CA10: variants seen among roughly 807,000 people sequenced by gnomAD.
CA10 encodes the protein carbonic anhydrase 10 (inactive), also known as carbonic anhydrase-related protein 10.
Under a neutral mutation model 44.2 loss-of-function variants are expected in CA10, and 14 were observed. That is an observed-to-expected ratio of 0.32 (90% CI 0.21 to 0.50). The LOEUF is 0.50. Among genes scored for constraint, CA10 ranks in the 20% least tolerant of loss-of-function variants. CA10 has a pLI of 0.99. For synonymous variants in CA10, 159 were observed against 141.6 expected, an observed-to-expected ratio of 1.12 and a Z score of -0.87; for missense variants, 350 against 409.7, an observed-to-expected ratio of 0.85 and a Z score of 1.26.
intron 3 of CA10, among the ~76,000 whole-genome samples, chr17:51,841,505 G>T (rs1231006039): frequency 3.3e-5 from 5 of 152,192 alleles, no homozygotes; most frequent in African/African-American, 4.8e-5. Flanking sequence ...GTAAGTGTGG[G>T]AAGACAAACC....
chr17:51,813,728 A>T (rs1907461009), intron 3 of CA10, among the ~76,000 whole-genome samples: 1 of 152,012 alleles, frequency 6.6e-6, no homozygotes, highest in African/African-American at 2.4e-5. Context: ...GAATGGCTCC[A>T]CTCCCACACT....
chr17:51,710,616 A>C (rs1033671131), intron 4 of CA10, among the ~76,000 whole-genome samples: 2 of 152,134 alleles, frequency 1.3e-5, no homozygotes, highest in African/African-American at 2.4e-5. Context: ...TTTCTGAGAA[A>C]AGAAGAGTGA....
intron 3 of CA10, among the ~76,000 whole-genome samples, chr17:51,811,503 T>A (rs1907366099): frequency 2.6e-5 from 4 of 152,218 alleles, no homozygotes; most frequent in Non-Finnish European, 5.9e-5. Flanking sequence ...ATCTCATTGT[T>A]CAGTTTCCAC....
chr17:52,000,040 C>T (rs1261202016), intron 2 of CA10, among the ~76,000 whole-genome samples: 1 of 152,016 alleles, frequency 6.6e-6, no homozygotes, highest in African/African-American at 2.4e-5. Flanking sequence ...TGAAGCATGA[C>T]ACAGAATTGT....
At chr17:51,954,428 T>C (rs1983592580) in intron 2 of CA10, among the ~76,000 whole-genome samples, 1 of 152,164 alleles carries the variant, frequency 6.6e-6, no homozygotes, top group Admixed American at 6.6e-5. Context: ...TCATAAAATA[T>C]GAACAAATGA....
At chr17:51,794,490 C>T (rs778602879) in intron 3 of CA10, among the ~76,000 whole-genome samples, 1 of 152,258 alleles carries the variant, frequency 6.6e-6, no homozygotes, top group Non-Finnish European at 1.5e-5. Flanking sequence ...CTGTATTGGG[C>T]TGTAAGACTC....
At chr17:51,635,467 C>T (rs1912783164) in intron 7 of CA10, among the ~76,000 whole-genome samples, 2 of 151,848 alleles carry the variant, frequency 1.3e-5, no homozygotes, top group Non-Finnish European at 2.9e-5. Context: ...GAGCCAAGAT[C>T]ACGCCACTGC....
In CA10 at chr17:51,824,648, C is replaced by G. The variant is rs565070132; in HGVS notation, c.280-76830G>C. Among the ~76,000 whole-genome samples the G allele has an allele frequency of 3.9e-4, 59 of 152,274 alleles. 1 individual carries two copies. In the South Asian group the frequency reaches 0.012, roughly 31 times the overall value. ...GCACTGATCTCATCCTTGTTTAAAACGATAACACCCTGACCCCAGCCCTGC... is the reference window on the plus strand; with the variant it reads ...GCACTGATCTCATCCTTGTTTAAAAGGATAACACCCTGACCCCAGCCCTGC... On this transcript the variant is annotated intron_variant, in intron 3 of 8. Transcript: ENST00000451037.
chr17:51,870,417 G>A lies in CA10; in HGVS notation c.279+60573C>T, dbSNP rs868852050. On this transcript the variant is annotated intron_variant, in intron 3 of 8. Transcript: ENST00000451037. ...AAGCTAATGTGAACCTCCTATGGCT[G>A]TGCTGTCATCAAAACACTGGGTCAA... 8.5e-5 allele frequency among the ~76,000 whole-genome samples: 13 copies of A among 152,352 alleles called. No individual in the cohort carries two copies. In the South Asian group the frequency reaches 1.0e-3, roughly 12 times the overall value.
intron 2 of CA10, among the ~76,000 whole-genome samples, chr17:52,021,325 C>T (rs937452942): frequency 2.0e-5 from 3 of 152,020 alleles, no homozygotes; most frequent in Admixed American, 1.3e-4. Context: ...GAGATATACC[C>T]AGCAATGGGA....
At chr17:51,812,727 G>A (rs1319333058) in intron 3 of CA10, among the ~76,000 whole-genome samples, 1 of 152,182 alleles carries the variant, frequency 6.6e-6, no homozygotes, top group Non-Finnish European at 1.5e-5. Context: ...TCCTATCTTT[G>A]GGCACTGAGA....
chr17:52,081,950 G>T (rs1269906281), intron 1 of CA10, among the ~76,000 whole-genome samples: 1 of 152,112 alleles, frequency 6.6e-6, no homozygotes, highest in Non-Finnish European at 1.5e-5. Context: ...GATGACCAGG[G>T]AGACTAAGGG....
chr17:51,893,815 G>A (rs554295669), intron 3 of CA10, among the ~76,000 whole-genome samples: 14 of 152,224 alleles, frequency 9.2e-5, no homozygotes, highest in African/African-American at 2.9e-4. Flanking sequence ...CAGAGATCCT[G>A]TATTTGTGAG....
chr17:51,776,859 G>C (rs1405269236), intron 3 of CA10, among the ~76,000 whole-genome samples: 1 of 152,148 alleles, frequency 6.6e-6, no homozygotes, highest in Non-Finnish European at 1.5e-5. Flanking sequence ...TGTGTAGCGG[G>C]GCGTGGGAGT....
chr17:51,951,380 C>T (rs78702876), intron 2 of CA10, among the ~76,000 whole-genome samples: 1,720 of 152,256 alleles, frequency 0.011, 23 homozygotes, highest in South Asian at 0.071. Context: ...CACTTTGTCC[C>T]TACTTGCAAC....
In CA10 at chr17:51,707,738, A is replaced by G. The variant is rs114912562; in HGVS notation, c.465+39895T>C. ...TTCCTATCCTTAATCAAGAAAATGG[A>G]ATCCCTTCTGGAAGACCTCATGACC... On this transcript the variant is annotated intron_variant, in intron 4 of 8. Coordinates refer to ENST00000451037, the MANE Select transcript of CA10 (RefSeq NM_020178.5). 6.1e-3 allele frequency among the ~76,000 whole-genome samples: 900 copies of G among 147,614 alleles called. 9 individuals are homozygous for G. Among genetic ancestry groups the G allele is most frequent in the African/African-American group, 0.022 (875 of 39,906 alleles).
Position 51,750,322 on chromosome 17 carries a change from A to G in CA10, c.280-2504T>C, listed in dbSNP as rs1279931263. On this transcript the variant is annotated intron_variant, in intron 3 of 8. Transcript: ENST00000451037. ...GAGATTTTATATATGTGCATTATAA[A>G]TATATAATATAGACTTTTCACTTGC... Among the ~76,000 whole-genome samples, 3 of 151,600 alleles carry G rather than the reference A, an allele frequency of 2.0e-5. No individual in the cohort carries two copies. In the East Asian group the frequency reaches 5.8e-4, roughly 29 times the overall value.
chr17:52,133,653 G>C (rs1021684840), intron 1 of CA10, among the ~76,000 whole-genome samples: 2 of 152,108 alleles, frequency 1.3e-5, no homozygotes, highest in Non-Finnish European at 2.9e-5. Context: ...CTAGCTCAAA[G>C]TTCACCTCCT....
chr17:51,985,401 A>G (rs2144094347), intron 2 of CA10, among the ~76,000 whole-genome samples: 1 of 152,170 alleles, frequency 6.6e-6, no homozygotes, highest in Non-Finnish European at 1.5e-5. Flanking sequence ...CACAGCTAAC[A>G]TAATACAGAA....
Sources: allele counts gnomAD v4.1 joint callset (sites outside exome capture counted in the v4.1 genomes callset), GRCh38; gene constraint gnomAD v4.1.1; transcripts MANE v1.5; gene names NCBI Gene and HGNC (gene_info 2026-07-23, HGNC 2026-07-21).